SLC25A26: variants seen among roughly 807,000 people sequenced by gnomAD.
The protein encoded by SLC25A26 is solute carrier family 25 member 26.
SLC25A26 carries 36 observed loss-of-function variants against 37.8 expected under a neutral mutation model. The ratio of observed to expected loss-of-function variants is 0.95; its 90% confidence interval spans 0.73 to 1.26. The LOEUF (loss-of-function observed/expected upper bound fraction) is 1.26, where lower values mean the gene tolerates loss of function less well. SLC25A26 is among the 50% of genes most tolerant of loss of function. SLC25A26 has a pLI of 0.00. For synonymous variants in SLC25A26, 129 were observed against 122.5 expected, an observed-to-expected ratio of 1.05 and a Z score of -0.35; for missense variants, 390 against 331.1, an observed-to-expected ratio of 1.18 and a Z score of -1.38.
At chr3:66,269,603 C>G (rs1367483355) in intron 5 of SLC25A26, among the ~76,000 whole-genome samples, 1 of 152,124 alleles carries the variant, frequency 6.6e-6, no homozygotes, top group Non-Finnish European at 1.5e-5. Flanking sequence ...GAGATTGCAC[C>G]AGTTGGATGT....
intron 2 of SLC25A26, among the ~76,000 whole-genome samples, chr3:66,237,957 GTTTC>G (rs1409957202): frequency 2.0e-5 from 3 of 152,128 alleles, no homozygotes; most frequent in Non-Finnish European, 4.4e-5. Flanking sequence ...CAGTATTTCT[GTTTC>G]TTTTTTTCTC....
chr3:66,204,755 G>A (rs2071155980), intron 1 of SLC25A26, among the ~76,000 whole-genome samples: 1 of 152,170 alleles, frequency 6.6e-6, no homozygotes, highest in African/African-American at 2.4e-5. Flanking sequence ...ACTTTACCGA[G>A]TACAATATCA....
At chr3:66,185,898 A>G (rs2070817365) in intron 1 of SLC25A26, among the ~76,000 whole-genome samples, 1 of 152,114 alleles carries the variant, frequency 6.6e-6, no homozygotes, top group African/African-American at 2.4e-5. Flanking sequence ...ACCATGAATC[A>G]GACCTCAACT....
intron 5 of SLC25A26, among the ~76,000 whole-genome samples, chr3:66,275,624 A>G (rs2074114937): frequency 6.6e-6 from 1 of 152,240 alleles, no homozygotes; most frequent in East Asian, 1.9e-4. Context: ...CTCCAGATAC[A>G]TTTAGCAAGA....
At chr3:66,201,110 A>G (rs1394738700) in intron 1 of SLC25A26, among the ~76,000 whole-genome samples, 1 of 152,110 alleles carries the variant, frequency 6.6e-6, no homozygotes, top group African/African-American at 2.4e-5. Flanking sequence ...TCTTGACTGC[A>G]CTCCTTTTTC....
intron 3 of SLC25A26, 31 bp from the exon 4 acceptor site, chr3:66,262,019 CT>C: frequency 7.4e-7 from 1 of 1,349,768 alleles, no homozygotes; most frequent in Non-Finnish European, 1.0e-6. Flanking sequence ...CAGTTATTTA[CT>C]TTTTAGGATA....
chr3:66,178,776 C>A (rs2070638916), intron 1 of SLC25A26, among the ~76,000 whole-genome samples: 1 of 151,940 alleles, frequency 6.6e-6, no homozygotes, highest in African/African-American at 2.4e-5. Context: ...TTTTTAAACG[C>A]CAGCAAGTAA....
chr3:66,336,286 T>G (rs2076091363), intron 5 of SLC25A26, among the ~76,000 whole-genome samples: 1 of 152,184 alleles, frequency 6.6e-6, no homozygotes, highest in Admixed American at 6.5e-5. Flanking sequence ...CTTTTATTGT[T>G]GTGTTTCTTG....
intron 5 of SLC25A26, among the ~76,000 whole-genome samples, chr3:66,266,408 A>C (rs1559634067): frequency 6.6e-6 from 1 of 152,180 alleles, no homozygotes; most frequent in Non-Finnish European, 1.5e-5. Flanking sequence ...AATACATCAA[A>C]ATCTTAGTGA....
At chr3:66,259,719 T>G (rs1450683165) in intron 3 of SLC25A26, among the ~76,000 whole-genome samples, 2 of 152,168 alleles carry the variant, frequency 1.3e-5, no homozygotes, top group Non-Finnish European at 2.9e-5. Context: ...TGGTCCCCCT[T>G]TGCTTCTTGC....
chr3:66,363,033 A>G lies in SLC25A26; in HGVS notation c.568+104A>G, dbSNP rs2076747360. 1.0e-5 allele frequency: 6 copies of G among 584,138 alleles called. No homozygotes were observed. Among genetic ancestry groups the G allele is most frequent in the Non-Finnish European group, 1.7e-5 (6 of 361,550 alleles). 36.2% of individuals were successfully genotyped at this position (584,138 alleles called of 1,614,324 possible). On this transcript the variant is annotated intron_variant, in intron 7 of 9. Coordinates refer to ENST00000354883, the MANE Select transcript of SLC25A26 (RefSeq NM_001379210.1). The stretch of plus-strand genomic sequence containing the variant: ...TCTTTAGACATTCCAGGTTGTTTAG[A>G]TGAAGAGCGCTCCACTAGTTGTTTG...
At chr3:66,166,559 G>A (rs1353006580) in intron 1 of SLC25A26, among the ~76,000 whole-genome samples, 3 of 152,114 alleles carry the variant, frequency 2.0e-5, no homozygotes, top group African/African-American at 4.8e-5. Flanking sequence ...CTTAATCTTC[G>A]GGTAGAGATT....
intron 1 of SLC25A26, among the ~76,000 whole-genome samples, chr3:66,207,141 A>G (rs1043995273): frequency 2.0e-5 from 3 of 152,034 alleles, no homozygotes; most frequent in African/African-American, 7.2e-5. Flanking sequence ...ACAGGACCAC[A>G]TGTATGGTAT....
chr3:66,139,159 T>C (rs1482037852), intron 1 of SLC25A26, among the ~76,000 whole-genome samples: 4 of 152,124 alleles, frequency 2.6e-5, no homozygotes, highest in African/African-American at 9.7e-5. Context: ...TGTATTTTGC[T>C]GTTGCTTTTC....
intron 5 of SLC25A26, among the ~76,000 whole-genome samples, chr3:66,321,853 A>G (rs2075703357): frequency 6.6e-6 from 1 of 152,042 alleles, no homozygotes; most frequent in African/African-American, 2.4e-5. Flanking sequence ...CTATGACAGA[A>G]TACCACAGAC....
chr3:66,344,750 C>G (rs1226871691), intron 5 of SLC25A26, among the ~76,000 whole-genome samples: 1 of 152,208 alleles, frequency 6.6e-6, no homozygotes, highest in African/African-American at 2.4e-5. Flanking sequence ...ACATTTTTAT[C>G]TTAGGAAATA....
intron 1 of SLC25A26, among the ~76,000 whole-genome samples, chr3:66,184,710 T>C (rs1320967959): frequency 2.1e-5 from 1 of 48,154 alleles, no homozygotes; most frequent in Non-Finnish European, 4.1e-5. Context: ...CTTGCTCTCA[T>C]CTTGTGTCCA....
chr3:66,272,822 A>G (rs1353130124), intron 5 of SLC25A26, among the ~76,000 whole-genome samples: 2 of 152,114 alleles, frequency 1.3e-5, no homozygotes, highest in East Asian at 3.9e-4. Context: ...AGAACTTCCA[A>G]CACTGTGTTG....
intron 1 of SLC25A26, among the ~76,000 whole-genome samples, chr3:66,179,252 T>C (rs948380183): frequency 1.3e-5 from 2 of 152,236 alleles, no homozygotes; most frequent in African/African-American, 4.8e-5. Flanking sequence ...CCTATAAATG[T>C]AGCATCAAGC....
Sources: gnomAD v4.1 joint callset for allele counts (sites outside exome capture counted in the v4.1 genomes callset) on GRCh38, gnomAD v4.1.1 for gene constraint, MANE v1.5 for transcripts, NCBI Gene and HGNC (gene_info 2026-07-23, HGNC 2026-07-21) for gene names.